Variants in LSAMP observed in about 807,000 individuals in gnomAD.
LSAMP encodes limbic system-associated membrane protein.
Under a neutral mutation model 38.6 loss-of-function variants are expected in LSAMP, and 7 were observed. The observed-to-expected ratio is 0.18, with a 90% CI of 0.10 to 0.34. The LOEUF (loss-of-function observed/expected upper bound fraction) is 0.34, where lower values mean the gene tolerates loss of function less well. Ranked by LOEUF, LSAMP falls within the 10% of genes least tolerant of loss-of-function variation. The pLI is 1.00. For synonymous variants in LSAMP, 154 were observed against 166.8 expected, an observed-to-expected ratio of 0.92 and a Z score of 0.59; for missense variants, 313 against 420.0, an observed-to-expected ratio of 0.75 and a Z score of 2.23.
rs535556757 is a variant in LSAMP, at chr3:116,438,930, A to G, written c.155+5947T>C. Among the ~76,000 whole-genome samples, 285 of 152,270 alleles carry G rather than the reference A, an allele frequency of 1.9e-3. 1 individual carries two copies. Among genetic ancestry groups the G allele is most frequent in the Non-Finnish European group, 3.2e-3 (216 of 68,016 alleles). On this transcript the variant is annotated intron_variant, in intron 1 of 6. Transcript: ENST00000490035. ...AATTTGTTCATCTTTGGCTACTGAT[A>G]TATTTCTCAAACGATACAATGTGAC...
At chr3:115,977,703 G>A (rs546377752) in intron 3 of LSAMP, among the ~76,000 whole-genome samples, 4 of 142,906 alleles carry the variant, frequency 2.8e-5, no homozygotes, top group Non-Finnish European at 4.5e-5. Context: ...TTAAATGGCA[G>A]AGCAGGAATG....
At chr3:116,032,228 TG>T (rs1200302390) in intron 2 of LSAMP, among the ~76,000 whole-genome samples, 1 of 152,088 alleles carries the variant, frequency 6.6e-6, no homozygotes, top group African/African-American at 2.4e-5. Context: ...AAAGTAATAA[TG>T]ACAGTAATTA....
chr3:115,844,996 A>G (rs951795582), intron 4 of LSAMP, among the ~76,000 whole-genome samples: 5 of 152,154 alleles, frequency 3.3e-5, no homozygotes, highest in Non-Finnish European at 7.3e-5. Context: ...AAAATGTTGG[A>G]ACCCAAGGCA....
chr3:116,034,239 T>C (rs1023711476), intron 2 of LSAMP, among the ~76,000 whole-genome samples: 1 of 152,090 alleles, frequency 6.6e-6, no homozygotes, highest in Non-Finnish European at 1.5e-5. Flanking sequence ...CAGAGACACA[T>C]GCAGCAGCAG....
chr3:115,958,055 A>T (rs1223553650), intron 3 of LSAMP, among the ~76,000 whole-genome samples: 1 of 152,176 alleles, frequency 6.6e-6, no homozygotes, highest in Non-Finnish European at 1.5e-5. Flanking sequence ...TTTATTTTTT[A>T]GATGAGCATA....
chr3:115,875,269 A>T (rs989620886), intron 3 of LSAMP, among the ~76,000 whole-genome samples: 2 of 152,132 alleles, frequency 1.3e-5, no homozygotes, highest in Admixed American at 6.6e-5. Flanking sequence ...TCCCAAATAT[A>T]TTCTTTAACT....
chr3:115,863,505 A>G (rs1486830854), intron 3 of LSAMP, among the ~76,000 whole-genome samples: 1 of 150,876 alleles, frequency 6.6e-6, no homozygotes, highest in Non-Finnish European at 1.5e-5. Context: ...TTCCTTCTAA[A>G]CAATGGGATT....
At chr3:115,827,611 T>G (rs13069628) in intron 6 of LSAMP, among the ~76,000 whole-genome samples, 25,847 of 152,110 alleles carry the variant, frequency 0.17, 2,439 homozygotes, top group Middle Eastern at 0.23. Flanking sequence ...ATCAGCACAG[T>G]GATAAGCGAA....
At chr3:116,155,865 A>G (rs1709735514) in intron 1 of LSAMP, among the ~76,000 whole-genome samples, 2 of 152,120 alleles carry the variant, frequency 1.3e-5, no homozygotes, top group Admixed American at 6.6e-5. Context: ...TGTTAGGACA[A>G]AGCTCAAATA....
chr3:116,317,481 G>A (rs758526223), intron 1 of LSAMP, among the ~76,000 whole-genome samples: 1 of 150,844 alleles, frequency 6.6e-6, no homozygotes, highest in African/African-American at 2.4e-5. Flanking sequence ...TCAGCCTCCC[G>A]AGTAGCTGGG....
chr3:115,908,169 A>G (rs1937056109), intron 3 of LSAMP, among the ~76,000 whole-genome samples: 1 of 152,050 alleles, frequency 6.6e-6, no homozygotes, highest in African/African-American at 2.4e-5. Flanking sequence ...CGTTTCATCT[A>G]TCTGAGACCA....
intron 3 of LSAMP, among the ~76,000 whole-genome samples, chr3:115,960,708 A>G (rs917682353): frequency 1.3e-5 from 2 of 152,162 alleles, no homozygotes; most frequent in Non-Finnish European, 2.9e-5. Flanking sequence ...CACCACCTAC[A>G]AGAAGGACTT....
chr3:116,167,767 C>A (rs1015838491), intron 1 of LSAMP, among the ~76,000 whole-genome samples: 36 of 152,306 alleles, frequency 2.4e-4, no homozygotes, highest in African/African-American at 8.4e-4. Context: ...CCCTTATATA[C>A]AACATACTAT....
chr3:116,210,206 G>C (rs2046137203), intron 1 of LSAMP, among the ~76,000 whole-genome samples: 1 of 152,172 alleles, frequency 6.6e-6, no homozygotes, highest in African/African-American at 2.4e-5. Flanking sequence ...GATATCGAGT[G>C]TTAACTTGAT....
chr3:115,992,736 T>C (rs1392039528), intron 3 of LSAMP, among the ~76,000 whole-genome samples: 1 of 152,120 alleles, frequency 6.6e-6, no homozygotes, highest in African/African-American at 2.4e-5. Context: ...TAATAGAATA[T>C]ATTTAATAAA....
At chr3:115,925,207 G>A (rs1378823414) in intron 3 of LSAMP, among the ~76,000 whole-genome samples, 3 of 151,988 alleles carry the variant, frequency 2.0e-5, no homozygotes, top group African/African-American at 4.8e-5. Context: ...CATGGGCTAC[G>A]GTGTCCACAC....
chr3:116,374,164 A>C (rs755987265), intron 1 of LSAMP, among the ~76,000 whole-genome samples: 2 of 151,970 alleles, frequency 1.3e-5, no homozygotes, highest in African/African-American at 2.4e-5. Flanking sequence ...ATTCATTAAC[A>C]ATCACTTTTT....
chr3:116,173,973 T>C (rs1290617528), intron 1 of LSAMP, among the ~76,000 whole-genome samples: 2 of 151,986 alleles, frequency 1.3e-5, no homozygotes, highest in African/African-American at 2.4e-5. Context: ...CACATTCCTA[T>C]ACTTTTCAAC....
At chr3:116,191,869 T>A in intron 1 of LSAMP, among the ~76,000 whole-genome samples, 1 of 152,042 alleles carries the variant, frequency 6.6e-6, no homozygotes, top group African/African-American at 2.4e-5. Context: ...TTCATCCATA[T>A]CCAAGCATCA....
Sources: allele counts gnomAD v4.1 joint callset (sites outside exome capture counted in the v4.1 genomes callset), GRCh38; gene constraint gnomAD v4.1.1; transcripts MANE v1.5; gene names NCBI Gene and HGNC (gene_info 2026-07-23, HGNC 2026-07-21).